Variants in NFIB observed in about 807,000 individuals in gnomAD.
NFIB encodes the protein nuclear factor I B.
In NFIB, 11 loss-of-function variants were observed where a neutral mutation model predicts 61.5. The ratio of observed to expected loss-of-function variants is 0.18; its 90% CI spans 0.11 to 0.30. NFIB has a LOEUF of 0.30. Among genes scored for constraint, NFIB ranks in the 10% least tolerant of loss-of-function variants. The probability of loss-of-function intolerance (pLI) is 1.00; values close to 1 mark genes in which losing one functional copy is unlikely to be tolerated. For synonymous variants in NFIB, 260 were observed against 216.5 expected (o/e 1.20, Z -1.76); for missense variants, 471 against 608.9 (o/e 0.77, Z 2.38).
At chr9:14,148,657 A>T (rs75406306) in intron 5 of NFIB, among the ~76,000 whole-genome samples, 1 of 152,118 alleles carries the variant, frequency 6.6e-6, no homozygotes, top group Non-Finnish European at 1.5e-5. Flanking sequence ...GTCAGACATA[A>T]GGTAAGGACG....
upstream of NFIB, among the ~76,000 whole-genome samples, chr9:14,315,993 C>G (rs1197578467): frequency 1.3e-5 from 2 of 152,168 alleles, no homozygotes; most frequent in African/African-American, 4.8e-5. Flanking sequence ...CCCCGGTCCT[C>G]TTTCCACCGC....
Position 14,314,057 on chromosome 9 carries a change from G to A in NFIB, c.-546C>T, listed in dbSNP as rs1021999651. ...TCAAGGTTACAGCCCCAAGCACTGC[G>A]GCAGGATCCCGGAGTGGTGATCGCA... On this transcript the variant is annotated 5_prime_UTR_variant, in exon 1 of 11. Coordinates refer to ENST00000380953, the MANE Select transcript of NFIB (RefSeq NM_001190737.2). The A allele has an allele frequency of 3.6e-5, 38 of 1,064,052 alleles. No homozygotes were observed. In the African/African-American group the frequency reaches 5.0e-4, roughly 14 times the overall value. The allele number at this position is 1,064,052 out of a possible 1,614,324, so 65.9% of individuals were successfully genotyped here.
At chr9:14,375,909 T>G (rs146321864) in intron 1 of NFIB, among the ~76,000 whole-genome samples, 82 of 152,350 alleles carry the variant, frequency 5.4e-4, no homozygotes, top group Non-Finnish European at 1.5e-5. Flanking sequence ...CCAAGGCTTA[T>G]TCACTGCTTC....
the NFIB span, among the ~76,000 whole-genome samples, chr9:14,516,934 C>T: frequency 6.6e-6 from 1 of 152,142 alleles, no homozygotes; most frequent in Non-Finnish European, 1.5e-5. Flanking sequence ...CATTAGCCTG[C>T]CAGATGCACA....
At chr9:14,487,142 G>C in the NFIB span, among the ~76,000 whole-genome samples, 1 of 152,112 alleles carries the variant, frequency 6.6e-6, no homozygotes, top group Non-Finnish European at 1.5e-5. Flanking sequence ...CCAATTTTGG[G>C]TAATTACATT....
chr9:14,177,359 G>C (rs567010537), intron 3 of NFIB, among the ~76,000 whole-genome samples: 39 of 151,422 alleles, frequency 2.6e-4, no homozygotes, highest in Non-Finnish European at 3.8e-4. Context: ...ATAAGTTCTA[G>C]TTGTTCACAT....
chr9:14,263,280 AT>A (rs71321972), intron 2 of NFIB, among the ~76,000 whole-genome samples: 106,509 of 148,424 alleles, frequency 0.72, 38,336 homozygotes, highest in Middle Eastern at 0.88. Flanking sequence ...GCATGAGGGG[AT>A]TTTTTTTTTT....
At chr9:14,249,691 GAGA>G (rs1009058260) in intron 2 of NFIB, among the ~76,000 whole-genome samples, 2 of 151,980 alleles carry the variant, frequency 1.3e-5, no homozygotes, top group African/African-American at 2.4e-5. Context: ...GGAGGGAGGG[GAGA>G]AGAAGAGAGG....
chr9:14,134,622 T>TG (rs1312842032), intron 6 of NFIB, among the ~76,000 whole-genome samples: 1 of 152,098 alleles, frequency 6.6e-6, no homozygotes, highest in Non-Finnish European at 1.5e-5. Flanking sequence ...CTGGATGGGG[T>TG]GGCTCATGCC....
chr9:14,254,631 A>C (rs184248938), intron 2 of NFIB, among the ~76,000 whole-genome samples: 1 of 152,322 alleles, frequency 6.6e-6, no homozygotes, highest in East Asian at 1.9e-4. Context: ...CCCTCCACTG[A>C]TCCAAAAGCC....
chr9:14,173,282 A>C (rs1020138165), intron 3 of NFIB, among the ~76,000 whole-genome samples: 1 of 152,160 alleles, frequency 6.6e-6, no homozygotes, highest in African/African-American at 2.4e-5. Flanking sequence ...CATTCAAGGG[A>C]AAATTTTAAT....
the NFIB span, among the ~76,000 whole-genome samples, chr9:14,409,747 G>C: frequency 1.3e-5 from 2 of 152,112 alleles, no homozygotes; most frequent in African/African-American, 4.8e-5. Context: ...ATCACACAAA[G>C]AAAAGAACTT....
chr9:14,454,191 G>T, the NFIB span, among the ~76,000 whole-genome samples: 11 of 152,132 alleles, frequency 7.2e-5, no homozygotes, highest in Non-Finnish European at 1.3e-4. Context: ...TTGTCATTTA[G>T]GACTCCTCAA....
chr9:14,182,708 C>CTCTGTGTGTGTGTGTG (rs778914837), intron 2 of NFIB, among the ~76,000 whole-genome samples: 4 of 96,994 alleles, frequency 4.1e-5, no homozygotes, highest in Admixed American at 1.1e-4. Flanking sequence ...CTCTCTCTCT[C>CTCTGTGTGTGTGTGTG]TGTGTGTGTG....
intron 2 of NFIB, among the ~76,000 whole-genome samples, chr9:14,277,435 T>G (rs1446480418): frequency 6.6e-6 from 1 of 152,232 alleles, no homozygotes; most frequent in Non-Finnish European, 1.5e-5. Flanking sequence ...TTTGGTGTTT[T>G]GCCAAATTAT....
chr9:14,083,097 A>ATT lies in NFIB; in HGVS notation c.*5211_*5212insAA, dbSNP rs1491322729. 9.7e-3 allele frequency: 5 copies of ATT among 516 alleles called. No homozygotes were observed. The highest frequency in any genetic ancestry group is 0.095 in the Non-Finnish European group (4 of 42). The allele number at this position is 516 out of a possible 1,614,324, so 0.0% of individuals were successfully genotyped here. A position where few individuals can be genotyped will look rare whatever the true frequency, so the allele number is the denominator to read the frequency against. ...TTAACTAGTGAACCCTTTTATTATT[A>ATT]AAAAAAAAAAAAAACTACTTACAAC... On this transcript the variant is annotated 3_prime_UTR_variant, in exon 11 of 11. Coordinates refer to ENST00000380953, the MANE Select transcript of NFIB (RefSeq NM_001190737.2).
At chr9:14,531,687 TAAA>T in the NFIB span, among the ~76,000 whole-genome samples, 3 of 144,446 alleles carry the variant, frequency 2.1e-5, no homozygotes, top group Admixed American at 6.9e-5. Context: ...CATTTTTCTT[TAAA>T]AAAAAAAAAA....
At chr9:14,101,031 CAT>C (rs529922379) in intron 10 of NFIB, among the ~76,000 whole-genome samples, 80 of 152,142 alleles carry the variant, frequency 5.3e-4, no homozygotes, top group East Asian at 2.3e-3. Flanking sequence ...TATTAAATAA[CAT>C]ATGGAAATAT....
chr9:14,400,094 A>G (rs2061728153), upstream of NFIB, among the ~76,000 whole-genome samples: 1 of 152,116 alleles, frequency 6.6e-6, no homozygotes, highest in African/African-American at 2.4e-5. Context: ...ATTTTAAAGC[A>G]TGTCTTCATA....
Sources: gnomAD v4.1 joint callset for allele counts (sites outside exome capture counted in the v4.1 genomes callset) on GRCh38, gnomAD v4.1.1 for gene constraint, MANE v1.5 for transcripts, NCBI Gene and HGNC (gene_info 2026-07-23, HGNC 2026-07-21) for gene names.